CNTNAP2: variants seen among roughly 807,000 people sequenced by gnomAD.
CNTNAP2 encodes contactin associated protein 2, also known as contactin-associated protein-like 2.
A neutral mutation model predicts 155.2 loss-of-function variants in CNTNAP2; 98 were observed. The observed-to-expected ratio is 0.63, with a 90% CI of 0.54 to 0.75. The LOEUF (loss-of-function observed/expected upper bound fraction) is 0.75. CNTNAP2 is among the 30% of genes least tolerant of loss of function. CNTNAP2 has a pLI of 0.00. For synonymous variants in CNTNAP2, 651 were observed against 631.2 expected, an observed-to-expected ratio of 1.03 and a Z score of -0.47; for missense variants, 1,727 against 1,688.1, an observed-to-expected ratio of 1.02 and a Z score of -0.40.
intron 1 of CNTNAP2, among the ~76,000 whole-genome samples, chr7:146,566,714 TA>T (rs1413110103): frequency 9.6e-4 from 145 of 151,604 alleles, no homozygotes; most frequent in East Asian, 3.3e-3. Flanking sequence ...AAAATAAAAA[TA>T]AAAATTAAAA....
chr7:146,920,042 A>G (rs1007347490), intron 3 of CNTNAP2, among the ~76,000 whole-genome samples: 1 of 152,230 alleles, frequency 6.6e-6, no homozygotes, highest in Non-Finnish European at 1.5e-5. Flanking sequence ...TAATAAAATC[A>G]TGATTTTATA....
At chr7:148,289,301 G>A (rs896134087) in intron 21 of CNTNAP2, among the ~76,000 whole-genome samples, 2 of 152,136 alleles carry the variant, frequency 1.3e-5, no homozygotes, top group Non-Finnish European at 2.9e-5. Context: ...GGTGGATGCT[G>A]ACCTGAATTG....
chr7:148,291,153 T>C (rs545233172), intron 21 of CNTNAP2, among the ~76,000 whole-genome samples: 1 of 152,126 alleles, frequency 6.6e-6, no homozygotes, highest in Admixed American at 6.5e-5. Flanking sequence ...TGTGCAAGAA[T>C]CTAGATATTC....
chr7:146,803,478 G>A (rs187560186), intron 2 of CNTNAP2, among the ~76,000 whole-genome samples: 5 of 152,208 alleles, frequency 3.3e-5, no homozygotes, highest in African/African-American at 7.2e-5. Context: ...CTTGGATCAC[G>A]GGCCAATCAT....
intron 10 of CNTNAP2, among the ~76,000 whole-genome samples, chr7:147,404,634 T>C (rs1796973600): frequency 6.6e-6 from 1 of 152,212 alleles, no homozygotes; most frequent in African/African-American, 2.4e-5. Flanking sequence ...TGTGTGACTC[T>C]TTATTTAAAC....
chr7:147,983,017 C>CAAAA (rs35946958), intron 15 of CNTNAP2, among the ~76,000 whole-genome samples: 1 of 80,858 alleles, frequency 1.2e-5, no homozygotes. Context: ...GACTCCACCT[C>CAAAA]AAAAAAAAAA....
chr7:146,168,867 A>G (rs1250181393), intron 1 of CNTNAP2, among the ~76,000 whole-genome samples: 1 of 152,158 alleles, frequency 6.6e-6, no homozygotes, highest in Admixed American at 6.5e-5. Context: ...ATGGCTGTCC[A>G]TTTCACTCAG....
At chr7:147,709,717 T>C in intron 13 of CNTNAP2, among the ~76,000 whole-genome samples, 1 of 152,144 alleles carries the variant, frequency 6.6e-6, no homozygotes, top group East Asian at 1.9e-4. Flanking sequence ...CCTGTCTAGG[T>C]ACTGAGAACT....
intron 1 of CNTNAP2, among the ~76,000 whole-genome samples, chr7:146,643,562 G>A (rs761680892): frequency 3.9e-5 from 6 of 151,934 alleles, no homozygotes; most frequent in Non-Finnish European, 8.8e-5. Flanking sequence ...GGTTACTGTA[G>A]CCTTGTAGTA....
intron 1 of CNTNAP2, among the ~76,000 whole-genome samples, chr7:146,196,861 TG>T (rs1347427956): frequency 6.6e-6 from 1 of 152,178 alleles, no homozygotes; most frequent in Non-Finnish European, 1.5e-5. Flanking sequence ...TTCTTTACTT[TG>T]TGCACTCCTA....
At chr7:147,667,435 T>C (rs1183074289) in intron 13 of CNTNAP2, among the ~76,000 whole-genome samples, 1 of 152,150 alleles carries the variant, frequency 6.6e-6, no homozygotes, top group Non-Finnish European at 1.5e-5. Flanking sequence ...ATAGAAACTT[T>C]TAATGATATG....
At chr7:148,192,476 AT>A (rs763737321) in intron 18 of CNTNAP2, among the ~76,000 whole-genome samples, 84 of 151,646 alleles carry the variant, frequency 5.5e-4, no homozygotes, top group South Asian at 2.1e-4. Flanking sequence ...TAATAAAGTA[AT>A]TTTTTCCCCT....
chr7:147,204,326 A>G (rs188003399), intron 8 of CNTNAP2, among the ~76,000 whole-genome samples: 3 of 152,292 alleles, frequency 2.0e-5, no homozygotes, highest in Admixed American at 2.0e-4. Flanking sequence ...TGAAGATGAA[A>G]TTAATTATTT....
intron 21 of CNTNAP2, among the ~76,000 whole-genome samples, chr7:148,286,305 C>G (rs552654631): frequency 4.6e-5 from 7 of 152,274 alleles, no homozygotes; most frequent in Non-Finnish European, 7.4e-5. Flanking sequence ...TTTCCTTTTC[C>G]TCCATCTCTC....
chr7:148,336,683 C>A (rs1798121926), intron 21 of CNTNAP2, among the ~76,000 whole-genome samples: 1 of 152,164 alleles, frequency 6.6e-6, no homozygotes, highest in Non-Finnish European at 1.5e-5. Context: ...TAATTTAATG[C>A]CATAGAACTT....
intron 1 of CNTNAP2, among the ~76,000 whole-genome samples, chr7:146,371,645 T>C (rs1303938702): frequency 6.6e-6 from 1 of 151,946 alleles, no homozygotes; most frequent in Non-Finnish European, 1.5e-5. Context: ...ATTAGTTCTT[T>C]TGTGTCATTT....
intron 12 of CNTNAP2, among the ~76,000 whole-genome samples, chr7:147,602,862 G>C (rs1224744482): frequency 1.3e-5 from 2 of 151,488 alleles, no homozygotes; most frequent in Non-Finnish European, 3.0e-5. Context: ...GTGTATATGT[G>C]CCACATTTTC....
intron 21 of CNTNAP2, among the ~76,000 whole-genome samples, chr7:148,281,073 G>A (rs560414617): frequency 1.3e-5 from 2 of 152,110 alleles, no homozygotes; most frequent in Admixed American, 1.3e-4. Flanking sequence ...ACAGGAGAGG[G>A]ACCTGCAGCG....
At chr7:146,604,701 G>T (rs1354227810) in intron 1 of CNTNAP2, among the ~76,000 whole-genome samples, 449 of 134,080 alleles carry the variant, frequency 3.3e-3, no homozygotes, top group African/African-American at 0.011. Context: ...TAGACTGGAT[G>T]AAGAAAATGT....
Sources: gnomAD v4.1 joint callset for allele counts (sites outside exome capture counted in the v4.1 genomes callset) on GRCh38, gnomAD v4.1.1 for gene constraint, MANE v1.5 for transcripts, NCBI Gene and HGNC (gene_info 2026-07-23, HGNC 2026-07-21) for gene names.